RAPGEFL1: variants seen among roughly 807,000 people sequenced by gnomAD.
RAPGEFL1 encodes the protein Rap guanine nucleotide exchange factor like 1, also known as rap guanine nucleotide exchange factor-like 1.
RAPGEFL1 carries 31 observed loss-of-function variants against 64.4 expected under a neutral mutation model. The observed-to-expected ratio is 0.48, with a 90% confidence interval of 0.36 to 0.65. The LOEUF (loss-of-function observed/expected upper bound fraction) is 0.65. Among genes scored for constraint, RAPGEFL1 ranks in the 30% least tolerant of loss-of-function variants. The pLI is 0.00. For synonymous variants in RAPGEFL1, 331 were observed against 274.1 expected, an observed-to-expected ratio of 1.21 and a Z score of -2.05; for missense variants, 682 against 677.4, an observed-to-expected ratio of 1.01 and a Z score of -0.08.
upstream of RAPGEFL1, chr17:40,177,330 C>G (rs1989736771): frequency 2.8e-6 from 2 of 702,460 alleles, no homozygotes; most frequent in Non-Finnish European, 5.2e-6. Flanking sequence ...CTGCTTAGAA[C>G]CCAAGTCCCT....
chr17:40,178,046 T>A lies in RAPGEFL1; in HGVS notation c.185T>A (p.Leu62Gln). 1 of 594,352 alleles carries A rather than the reference T, an allele frequency of 1.7e-6. No homozygotes were observed. Among genetic ancestry groups the A allele is most frequent in the Non-Finnish European group, 3.0e-6 (1 of 336,974 alleles). 36.8% of individuals were successfully genotyped at this position (594,352 alleles called of 1,614,324 possible). A position where few individuals can be genotyped will look rare whatever the true frequency, so the allele number is the denominator to read the frequency against. The part of the protein sequence containing the change: ...SLQRRQSVSR[L>Q]LLPAFLREPP... ...CAGCGGCGTCAGAGCGTGTCTCGCC[T>A]GCTGCTCCCCGCTTTCCTCCGGGAG... Residue 62 changes from leucine to glutamine, a missense_variant, in exon 1 of 15, where the codon CTG becomes CAG. Transcript: ENST00000620260.
upstream of RAPGEFL1, chr17:40,177,042 C>T (rs748250139): frequency 1.0e-5 from 7 of 701,410 alleles, no homozygotes; most frequent in African/African-American, 5.2e-5. Flanking sequence ...AGATGGGCAC[C>T]GCCTCCAGTG....
At chr17:40,188,214 C>T (rs1274260396) in intron 4 of RAPGEFL1, among the ~76,000 whole-genome samples, 1 of 152,096 alleles carries the variant, frequency 6.6e-6, no homozygotes, top group African/African-American at 2.4e-5. Flanking sequence ...TGCACCTGGC[C>T]TCCACCTCCT....
chr17:40,192,100 C>G, intron 10 of RAPGEFL1, 113 bp from the exon 11 acceptor site: 8 of 983,786 alleles, frequency 8.1e-6, no homozygotes, highest in South Asian at 6.8e-5. Context: ...TCCCAGCCCC[C>G]TACAAGCCAT....
At chr17:40,189,942 G>A (rs1281236515) in intron 6 of RAPGEFL1, among the ~76,000 whole-genome samples, 3 of 136,908 alleles carry the variant, frequency 2.2e-5, no homozygotes, top group African/African-American at 9.3e-5. Flanking sequence ...CAACAAGAGC[G>A]AAACTCCGTC....
chr17:40,181,569 T>G (rs1989895678), intron 1 of RAPGEFL1, 47 bp from the exon 2 acceptor site: 1 of 701,046 alleles, frequency 1.4e-6, no homozygotes, highest in African/African-American at 1.7e-5. Flanking sequence ...CCAGTTTCGT[T>G]CTGGAAGTGC....
chr17:40,184,403 G>C, intron 3 of RAPGEFL1, 54 bp downstream of exon 3: 1 of 1,505,654 alleles, frequency 6.6e-7, no homozygotes, highest in Admixed American at 2.1e-5. Context: ...CTGGAAGGGG[G>C]CCCCTGTGAA....
Position 40,188,923 on chromosome 17 carries a change from C to T in RAPGEFL1, c.891C>T (p.Phe297=). The T allele has an allele frequency of 6.2e-7, 1 of 1,614,230 alleles. No homozygotes were observed. The highest frequency in any genetic ancestry group is 8.5e-7 in the Non-Finnish European group (1 of 1,180,052). The part of the protein sequence containing the change: ...SKQVKPLFRH[F]RRIDSCLQTR... The stretch of plus-strand genomic sequence containing the variant: ...AGGTGAAGCCACTCTTCCGCCACTT[C>T]CGCCGGATAGACTCCTGTCTGCAGA... Residue 297 remains phenylalanine, a synonymous_variant, in exon 5 of 15, where the codon TTC becomes TTT. Coordinates refer to ENST00000620260, the MANE Select transcript of RAPGEFL1 (RefSeq NM_016339.6).
At chr17:40,179,070 T>G (rs1989814698) in intron 1 of RAPGEFL1, among the ~76,000 whole-genome samples, 2 of 151,704 alleles carry the variant, frequency 1.3e-5, no homozygotes, top group South Asian at 4.2e-4. Flanking sequence ...ACCCGGCTTT[T>G]TTTTTTTTTT....
At position 40,191,640 on chromosome 17, in the gene RAPGEFL1, G is replaced by A; in HGVS notation, c.1573G>A (p.Ala525Thr). 4.4e-6 allele frequency: 7 copies of A among 1,607,114 alleles called. No homozygotes were observed. Among genetic ancestry groups the A allele is most frequent in the Non-Finnish European group, 6.0e-6 (7 of 1,176,364 alleles). The change falls in exon 10 of 15, where the codon GCC (alanine) becomes ACC (threonine). Residue 525 changes from alanine (A) to threonine (T), a missense_variant. By Grantham distance (58) the Ala-to-Thr change is moderately conservative. This residue lies in a region of RAPGEFL1 where 411 missense variants were observed against 519.4 expected (regional missense o/e 0.79). Coordinates refer to ENST00000620260, the MANE Select transcript of RAPGEFL1 (RefSeq NM_016339.6). This position sits in a 1 kb window ranked among gnomAD's most constrained non-coding sequence, Gnocchi z 5.1. Reference sequence around the variant, plus strand: ...CGCCGTGGTCATGGGGCTGGACAACGCCGCTGTCAGCCGCCTTCGACTCAC... The same window carrying A: ...CGCCGTGGTCATGGGGCTGGACAACACCGCTGTCAGCCGCCTTCGACTCAC... ...FYAVVMGLDN[A>T]AVSRLRLTWE...
chr17:40,194,233 G>A lies in RAPGEFL1; in HGVS notation c.*445G>A, dbSNP rs1395339204. 1.2e-3 allele frequency: 3 copies of A among 2,562 alleles called. No individual in the cohort carries two copies. The highest frequency in any genetic ancestry group is 0.011 in the East Asian group (1 of 90). 0.2% of individuals were successfully genotyped at this position (2,562 alleles called of 1,614,324 possible). A position where few individuals can be genotyped will look rare whatever the true frequency, so the allele number is the denominator to read the frequency against. On this transcript the variant is annotated 3_prime_UTR_variant, in exon 15 of 15. Coordinates refer to ENST00000620260, the MANE Select transcript of RAPGEFL1 (RefSeq NM_016339.6). ...GGACCCCCAGGAATATTATGTTGCC[G>A]TGTGTGTGTGTGTGTGTGTGTGTGT... is the stretch of plus-strand genomic sequence containing the variant.
At position 40,192,204 on chromosome 17, in the gene RAPGEFL1, ACT is replaced by A. The variant is rs763636518; in HGVS notation, c.1606-6_1606-5del. ...CTGATATCCCTTCTCCTTCCTTCAAACTCTGCAGAAGCTGCCAGGGAAATTCA... is the reference window on the plus strand; with the variant it reads ...CTGATATCCCTTCTCCTTCCTTCAAACTGCAGAAGCTGCCAGGGAAATTCA... On this transcript the variant is annotated splice_region_variant and splice_polypyrimidine_tract_variant and intron_variant, in intron 10 of 14. Coordinates refer to ENST00000620260, the MANE Select transcript of RAPGEFL1 (RefSeq NM_016339.6). 5 of 1,612,876 alleles carry A rather than the reference ACT, an allele frequency of 3.1e-6. No homozygotes were observed. The highest frequency in any genetic ancestry group is 2.2e-5 in the East Asian group (1 of 44,882).
intron 6 of RAPGEFL1, among the ~76,000 whole-genome samples, chr17:40,189,716 C>T (rs915316012): frequency 3.3e-5 from 5 of 152,184 alleles, no homozygotes; most frequent in African/African-American, 9.7e-5. Flanking sequence ...GCAGCATCTG[C>T]GACCCCACCC....
Position 40,184,653 on chromosome 17 carries a change from C to A in RAPGEFL1, c.808C>A (p.Gln270Lys), listed in dbSNP as rs1330182244. The change falls in exon 4 of 15, where the codon CAG becomes AAG. Residue 270 changes from glutamine to lysine, a missense_variant. By Grantham distance (53) the Gln-to-Lys change is moderately conservative. Around this residue, in one of 2 missense-constraint regions of RAPGEFL1, gnomAD observed 271 missense variants for 158.0 expected, o/e 1.72. Coordinates refer to ENST00000620260, the MANE Select transcript of RAPGEFL1 (RefSeq NM_016339.6). Reference sequence around the variant, plus strand: ...CCGAGAGGACACTCTGAGGCTGCACCAGCTGGTGGAGACGGTGGAACTAAA... The same window carrying A: ...CCGAGAGGACACTCTGAGGCTGCACAAGCTGGTGGAGACGGTGGAACTAAA... ...GLREDTLRLH[Q>K]LVETVELKIP... The A allele has an allele frequency of 6.3e-7, 1 of 1,589,568 alleles. No homozygotes were observed. Among genetic ancestry groups the A allele is most frequent in the Admixed American group, 1.7e-5 (1 of 58,304 alleles).
chr17:40,189,081 C>A, intron 5 of RAPGEFL1, 103 bp downstream of exon 5: 1 of 1,461,608 alleles, frequency 6.8e-7, no homozygotes. Context: ...GTGGTAGAAC[C>A]AGCCCCTTTC....
upstream of RAPGEFL1, chr17:40,177,385 C>G: frequency 4.1e-6 from 2 of 492,604 alleles, no homozygotes; most frequent in Non-Finnish European, 7.9e-6. Context: ...GTTCAAGCCT[C>G]GTGCGGCGCG....
chr17:40,177,896 C>G lies in RAPGEFL1; in HGVS notation c.35C>G (p.Thr12Arg), dbSNP rs1989764468. 1 of 425,596 alleles carries G rather than the reference C, an allele frequency of 2.3e-6. No homozygotes were observed. Among genetic ancestry groups the G allele is most frequent in the Non-Finnish European group, 4.2e-6 (1 of 239,688 alleles). The allele number at this position is 425,596 out of a possible 1,614,324, so 26.4% of individuals were successfully genotyped here. A position where few individuals can be genotyped will look rare whatever the true frequency, so the allele number is the denominator to read the frequency against. The change falls in exon 1 of 15, where the codon ACG becomes AGG. Residue 12 changes from threonine (T) to arginine (R), a missense_variant. Thr to Arg is a moderately conservative substitution (Grantham distance 71, BLOSUM62 -1). Transcript: ENST00000620260. ...CTGGAGAAATTTCTGAAGAAGCAGA[C>G]GTCGCAGCTGGCGGGCCGAACGGTG... Reference protein sequence around the residue: ...KPLEKFLKKQTSQLAGRTVAG... With the variant: ...KPLEKFLKKQRSQLAGRTVAG...
At chr17:40,177,414 G>T, upstream of RAPGEFL1, 1 of 508,726 alleles carries the variant, frequency 2.0e-6, no homozygotes, top group Non-Finnish European at 3.8e-6. Flanking sequence ...CCGAGGAAGG[G>T]TAGGGGCGGG....
Position 40,194,017 on chromosome 17 carries a change from C to T in RAPGEFL1, c.*229C>T. The T allele has an allele frequency of 1.9e-6, 1 of 514,880 alleles. No homozygotes were observed. Among genetic ancestry groups the T allele is most frequent in the East Asian group, 3.6e-5 (1 of 28,016 alleles). The allele number at this position is 514,880 out of a possible 1,614,324, so 31.9% of individuals were successfully genotyped here. Reference sequence around the variant, plus strand: ...TACACTTTGCTGGTTCCTGTCCCCTCTGAGAAAGGGGATAGAAAGCTCCTT... The same window carrying T: ...TACACTTTGCTGGTTCCTGTCCCCTTTGAGAAAGGGGATAGAAAGCTCCTT... On this transcript the variant is annotated 3_prime_UTR_variant, in exon 15 of 15. Transcript: ENST00000620260.
Sources: allele counts gnomAD v4.1 joint callset (sites outside exome capture counted in the v4.1 genomes callset), GRCh38; gene constraint gnomAD v4.1.1; regional missense constraint gnomAD v4.1.1; non-coding constraint Gnocchi (gnomAD v3.1); transcripts MANE v1.5; gene names NCBI Gene and HGNC (gene_info 2026-07-23, HGNC 2026-07-21).